Variants in PFDN1 observed in about 807,000 individuals in gnomAD.
PFDN1 encodes prefoldin 1.
A neutral mutation model predicts 17.3 loss-of-function variants in PFDN1; 6 were observed. The ratio of observed to expected loss-of-function variants is 0.35; its 90% CI spans 0.19 to 0.69. The LOEUF (loss-of-function observed/expected upper bound fraction) is 0.69. Ranked by LOEUF, PFDN1 falls within the 30% of genes least tolerant of loss-of-function variation. The pLI, the probability that PFDN1 is intolerant of heterozygous loss-of-function variation, is 0.65. For synonymous variants in PFDN1, 58 were observed against 50.1 expected (o/e 1.16, Z -0.67); for missense variants, 113 against 146.2 (o/e 0.77, Z 1.17).
chr5:140,270,185 C>T (rs2126685578), intron 3 of PFDN1, among the ~76,000 whole-genome samples: 1 of 152,136 alleles, frequency 6.6e-6, no homozygotes, highest in Admixed American at 6.5e-5. Flanking sequence ...GAAAGAAAAT[C>T]CAAAGTCTAA....
At chr5:140,275,499 C>G (rs1270683326) in intron 3 of PFDN1, among the ~76,000 whole-genome samples, 2 of 151,976 alleles carry the variant, frequency 1.3e-5, no homozygotes, top group East Asian at 3.9e-4. Context: ...AAGTAGTACC[C>G]CCACCCCTGC....
chr5:140,277,706 T>A, intron 3 of PFDN1, among the ~76,000 whole-genome samples: 1 of 148,162 alleles, frequency 6.7e-6, no homozygotes, highest in African/African-American at 2.5e-5. Flanking sequence ...CCAACCTGAG[T>A]GACAGAGTGA....
Position 140,254,980 on chromosome 5 carries a change from A to C in PFDN1, c.286-8923T>G, listed in dbSNP as rs1439106213. Among the ~76,000 whole-genome samples the C allele has an allele frequency of 6.6e-6, 1 of 152,160 alleles. No homozygotes were observed. Among genetic ancestry groups the C allele is most frequent in the Non-Finnish European group, 1.5e-5 (1 of 68,034 alleles). ...CAACCATCTACCCACTCCATGCCTC[A>C]CCTGAGTGGCTGAATGTTGCTGGAG... On this transcript the variant is annotated intron_variant, in intron 3 of 3. Coordinates refer to ENST00000261813, the MANE Select transcript of PFDN1 (RefSeq NM_002622.5). This position sits in a 1 kb window ranked among gnomAD's most constrained non-coding sequence, Gnocchi z 4.4.
intron 3 of PFDN1, among the ~76,000 whole-genome samples, chr5:140,267,566 T>A (rs139111640): frequency 1.8e-3 from 281 of 152,348 alleles, no homozygotes; most frequent in African/African-American, 6.3e-3. Context: ...TCAATGAGAA[T>A]GGCACCATGT....
intron 2 of PFDN1, among the ~76,000 whole-genome samples, chr5:140,289,817 A>G (rs1370209174): frequency 1.3e-5 from 2 of 152,138 alleles, no homozygotes; most frequent in Non-Finnish European, 2.9e-5. Flanking sequence ...AGCTTCCATC[A>G]ATATCACCAC....
At chr5:140,260,072 G>A (rs117679870) in intron 3 of PFDN1, among the ~76,000 whole-genome samples, 1 of 152,202 alleles carries the variant, frequency 6.6e-6, no homozygotes, top group East Asian at 1.9e-4. Context: ...ATGCAGTGTT[G>A]CACACCTGTA....
intron 2 of PFDN1, among the ~76,000 whole-genome samples, chr5:140,289,601 G>A (rs1052296214): frequency 6.6e-6 from 1 of 152,056 alleles, no homozygotes; most frequent in East Asian, 1.9e-4. Flanking sequence ...GTCCCTAGGA[G>A]AACTCATTTA....
At chr5:140,283,396 C>A (rs946749440) in intron 2 of PFDN1, among the ~76,000 whole-genome samples, 2 of 152,132 alleles carry the variant, frequency 1.3e-5, no homozygotes, top group African/African-American at 2.4e-5. Context: ...CCACGCCTGG[C>A]TAATTTTTTC....
intron 3 of PFDN1, among the ~76,000 whole-genome samples, chr5:140,279,995 C>CAAAAAAAAAA (rs772575762): frequency 2.7e-3 from 85 of 30,998 alleles, no homozygotes; most frequent in South Asian, 3.4e-3. Context: ...AACTCCGTCT[C>CAAAAAAAAAA]AAAAAAAAAA....
At chr5:140,269,525 G>C (rs1040162186) in intron 3 of PFDN1, among the ~76,000 whole-genome samples, 1 of 150,410 alleles carries the variant, frequency 6.6e-6, no homozygotes, top group Admixed American at 6.6e-5. Context: ...CTCCATGTTG[G>C]TCAGGCTGGT....
rs184389480 is a variant in PFDN1, at chr5:140,267,912, A to T, written c.285+13537T>A. On this transcript the variant is annotated intron_variant, in intron 3 of 3. Transcript: ENST00000261813. ...TGATAACGTTTCCTGACCTGGAAGT[A>T]TTGTTCCACCCCTACATGTGTTTTC... Among the ~76,000 whole-genome samples the T allele has an allele frequency of 1.1e-3, 165 of 152,368 alleles. No homozygotes were observed. The Middle Eastern group carries it at 0.02, about 19-fold the overall frequency.
chr5:140,261,198 A>G (rs1375552910), intron 3 of PFDN1, among the ~76,000 whole-genome samples: 1 of 152,066 alleles, frequency 6.6e-6, no homozygotes, highest in East Asian at 1.9e-4. Context: ...ATATTTTAAA[A>G]AAAGACAGGA....
At chr5:140,264,020 CAAAAAAAAAAAAAAAAAAAAAAAAAAA>C (rs58605224) in intron 3 of PFDN1, among the ~76,000 whole-genome samples, 1 of 55,558 alleles carries the variant, frequency 1.8e-5, no homozygotes, top group African/African-American at 9.0e-5. Flanking sequence ...GACTCCATCT[CAAAAAAAAAAAAAAAAAAAAAAAAAAA>C]AAAAAAAAAA....
intron 3 of PFDN1, among the ~76,000 whole-genome samples, chr5:140,277,222 G>A (rs1270345503): frequency 1.1e-4 from 16 of 145,032 alleles, no homozygotes; most frequent in African/African-American, 1.8e-4. Context: ...TCAAAACTCC[G>A]TCTCAAAAAA....
At chr5:140,284,948 G>A (rs73257087) in intron 2 of PFDN1, among the ~76,000 whole-genome samples, 42,885 of 151,962 alleles carry the variant, frequency 0.28, 7,159 homozygotes, top group African/African-American at 0.47. Flanking sequence ...ATCAGACTCC[G>A]TTTTCTAAAT....
rs114712194 is a variant in PFDN1, at chr5:140,291,330, C to A, written c.200+9086G>T. Among the ~76,000 whole-genome samples, 854 of 152,174 alleles carry A rather than the reference C, an allele frequency of 5.6e-3. 8 individuals are homozygous for A. The highest frequency in any genetic ancestry group is 0.02 in the African/African-American group (827 of 41,498). On this transcript the variant is annotated intron_variant, in intron 2 of 3. Transcript: ENST00000261813. The stretch of plus-strand genomic sequence containing the variant: ...TCTGAACAAAATTTAAAGATAGAGT[C>A]AACAGTATTTGCTAATGAGCTGAAT...
chr5:140,291,974 C>T (rs191616765), intron 2 of PFDN1, among the ~76,000 whole-genome samples: 25 of 152,298 alleles, frequency 1.6e-4, no homozygotes, highest in African/African-American at 5.3e-4. Context: ...AGTAGAGTAA[C>T]ACACACTGCT....
rs58605224 is a variant in PFDN1 at position 140,264,020 on chromosome 5, C to CAAAAA, written c.285+17424_285+17428dup. Among the ~76,000 whole-genome samples the CAAAAA allele has an allele frequency of 3.0e-3, 168 of 55,574 alleles. 42 individuals carry two copies. The highest frequency in any genetic ancestry group is 5.4e-3 in the African/African-American group (60 of 11,144). 36.5% of individuals were successfully genotyped at this position (55,574 alleles called of 152,430 possible). On this transcript the variant is annotated intron_variant, in intron 3 of 3. Coordinates refer to ENST00000261813, the MANE Select transcript of PFDN1 (RefSeq NM_002622.5). ...TGGGGGTCAGAGTGAGACTCCATCTCAAAAAAAAAAAAAAAAAAAAAAAAA... is the reference window on the plus strand; with the variant it reads ...TGGGGGTCAGAGTGAGACTCCATCTCAAAAAAAAAAAAAAAAAAAAAAAAAAAAAA...
At chr5:140,278,814 G>A (rs548813986) in intron 3 of PFDN1, among the ~76,000 whole-genome samples, 2 of 152,294 alleles carry the variant, frequency 1.3e-5, no homozygotes, top group African/African-American at 4.8e-5. Context: ...AATTAACAGT[G>A]TATATGTGCA....
Sources: gnomAD v4.1 joint callset for allele counts (sites outside exome capture counted in the v4.1 genomes callset) on GRCh38, gnomAD v4.1.1 for gene constraint, Gnocchi (gnomAD v3.1) non-coding constraint, MANE v1.5 for transcripts, NCBI Gene and HGNC (gene_info 2026-07-23, HGNC 2026-07-21) for gene names.